TEX11: variants seen among roughly 807,000 people sequenced by gnomAD.
The protein encoded by TEX11 is testis expressed 11.
A neutral mutation model predicts 84.4 loss-of-function variants in TEX11; 7 were observed. The observed-to-expected ratio is 0.08, with a 90% confidence interval of 0.05 to 0.16. The LOEUF is 0.16. TEX11 is among the 10% of genes least tolerant of loss of function. The pLI, the probability that TEX11 is intolerant of heterozygous loss-of-function variation, is 1.00. For missense variants in TEX11, 551 were observed against 660.5 expected, an observed-to-expected ratio of 0.83 and a Z score of 1.82; for synonymous variants, 264 against 222.8, an observed-to-expected ratio of 1.18 and a Z score of -1.64.
rs181339915 is a variant in TEX11 at position 70,530,615 on chromosome X, T to C, written c.2521-616A>G. ...GTCTAAGAAGCTACTTTCTTGGTTC[T>C]TGCATAGGAGATGGAACACAAAGAA... is the stretch of plus-strand genomic sequence containing the variant. On this transcript the variant is annotated intron_variant, in intron 28 of 29. Coordinates refer to ENST00000374333, the MANE Select transcript of TEX11 (RefSeq NM_031276.3). Among the ~76,000 whole-genome samples the C allele has an allele frequency of 6.3e-4, 71 of 112,023 alleles. 2 individuals are homozygous for C. The Admixed American group carries it at 6.5e-3, about 10-fold the overall frequency.
At chrX:70,651,316 C>A in intron 17 of TEX11, 134 bp downstream of exon 17, 2 of 398,601 alleles carry the variant, frequency 5.0e-6, no homozygotes, top group Non-Finnish European at 8.4e-6. Context: ...GTTGTATCAC[C>A]TTTACATAGG....
rs762649145 is a variant in TEX11, at chrX:70,641,114, A to G, written c.1483+10336T>C. Among the ~76,000 whole-genome samples, 25 of 111,350 alleles carry G rather than the reference A, an allele frequency of 2.2e-4. No individual in the cohort carries two copies. The East Asian group carries it at 5.6e-3, about 25-fold the overall frequency. ...GAAAACAAACAAAGGCAGGGGTTGCAATCCTATTCTCTGATCAAACAGACT... is the reference window on the plus strand; with the variant it reads ...GAAAACAAACAAAGGCAGGGGTTGCGATCCTATTCTCTGATCAAACAGACT... On this transcript the variant is annotated intron_variant, in intron 17 of 29. Transcript: ENST00000374333.
chrX:70,779,832 G>A (rs1349657117), intron 9 of TEX11, among the ~76,000 whole-genome samples: 1 of 111,603 alleles, frequency 9.0e-6, no homozygotes, highest in African/African-American at 3.2e-5. Flanking sequence ...TATCAAGATT[G>A]AATCAGAAAA....
intron 28 of TEX11, among the ~76,000 whole-genome samples, chrX:70,531,521 T>TAAAC (rs79824580): frequency 0.14 from 14,916 of 110,402 alleles, 1,089 homozygotes; most frequent in Non-Finnish European, 0.19. Context: ...AAAAATGACT[T>TAAAC]AAACAAACAA....
intron 28 of TEX11, among the ~76,000 whole-genome samples, chrX:70,545,419 G>A (rs910817098): frequency 9.0e-6 from 1 of 110,909 alleles, no homozygotes; most frequent in Non-Finnish European, 1.9e-5. Context: ...GGCCTACCCA[G>A]GGCCAGGATC....
At chrX:70,713,897 T>C (rs1393800349) in intron 13 of TEX11, among the ~76,000 whole-genome samples, 4 of 112,112 alleles carry the variant, frequency 3.6e-5, no homozygotes, top group Non-Finnish European at 7.5e-5. Flanking sequence ...GTGTCAATTT[T>C]AGATCTTTCC....
chrX:70,578,869 C>T (rs895322000), intron 25 of TEX11, among the ~76,000 whole-genome samples: 20 of 100,594 alleles, frequency 2.0e-4, no homozygotes, highest in Admixed American at 4.5e-4. Context: ...CTCCCGGGTT[C>T]GAGCAATTCT....
the TEX11 span, among the ~76,000 whole-genome samples, chrX:70,517,175 A>C: frequency 8.9e-6 from 1 of 111,741 alleles, no homozygotes; most frequent in Non-Finnish European, 1.9e-5. Flanking sequence ...AGGACTGGTG[A>C]GAGAGGGCAT....
intron 9 of TEX11, among the ~76,000 whole-genome samples, chrX:70,749,859 T>C (rs924310182): frequency 2.7e-5 from 3 of 110,751 alleles, no homozygotes; most frequent in Non-Finnish European, 5.7e-5. Flanking sequence ...TCAATGTTCA[T>C]CAAGGATATG....
intron 16 of TEX11, among the ~76,000 whole-genome samples, chrX:70,653,760 T>C (rs746985023): frequency 3.3e-4 from 37 of 112,247 alleles, no homozygotes; most frequent in African/African-American, 1.2e-3. Context: ...AGTAGCTTTA[T>C]TCATAACTGC....
chrX:70,676,676 T>TA (rs771949082), intron 15 of TEX11, among the ~76,000 whole-genome samples: 2 of 112,381 alleles, frequency 1.8e-5, no homozygotes, highest in South Asian at 7.4e-4. Context: ...TTCAAATATT[T>TA]ATTATCTCCA....
chrX:70,803,406 T>C lies in TEX11; in HGVS notation c.692+3299A>G, dbSNP rs753889166. Among the ~76,000 whole-genome samples, 7 of 111,154 alleles carry C rather than the reference T, an allele frequency of 6.3e-5. No individual in the cohort carries two copies. The East Asian group carries it at 2.0e-3, about 31-fold the overall frequency. On this transcript the variant is annotated intron_variant, in intron 9 of 29. Coordinates refer to ENST00000374333, the MANE Select transcript of TEX11 (RefSeq NM_031276.3). ...GAAAGCAAGGAGAGCAGCAGCTATT[T>C]ATGAACTTTTCTTAGCAAAAGAAAA... is the stretch of plus-strand genomic sequence containing the variant.
intron 9 of TEX11, among the ~76,000 whole-genome samples, chrX:70,773,217 C>T (rs2147778896): frequency 9.1e-6 from 1 of 109,419 alleles, no homozygotes; most frequent in South Asian, 4.0e-4. Flanking sequence ...TTCACTAAGA[C>T]ATAATATAAC....
intron 11 of TEX11, among the ~76,000 whole-genome samples, chrX:70,734,397 T>C (rs2090680143): frequency 9.0e-6 from 1 of 111,355 alleles, no homozygotes; most frequent in African/African-American, 3.3e-5. Flanking sequence ...TGTATGTGCA[T>C]GTGTGGGGGA....
At chrX:70,809,842 A>G (rs2091241748) in intron 8 of TEX11, among the ~76,000 whole-genome samples, 1 of 111,065 alleles carries the variant, frequency 9.0e-6, no homozygotes, top group African/African-American at 3.3e-5. Flanking sequence ...AATTACAGGC[A>G]CCCGCCACCA....
rs1169173765 is a variant in TEX11 at position 70,682,616 on chromosome X, T to C, written c.1156+58A>G. Reference sequence around the variant, plus strand: ...TGAGGATTTTGCTATTACTCTGACATCTAAGAATTATACACAAATTAATAC... The same window carrying C: ...TGAGGATTTTGCTATTACTCTGACACCTAAGAATTATACACAAATTAATAC... On this transcript the variant is annotated intron_variant, in intron 14 of 29. Coordinates refer to ENST00000374333, the MANE Select transcript of TEX11 (RefSeq NM_031276.3). 9 of 1,139,947 alleles carry C rather than the reference T, an allele frequency of 7.9e-6. No homozygotes were observed. The Admixed American group carries it at 2.0e-4, about 25-fold the overall frequency. The allele number at this position is 1,139,947 out of a possible 1,213,427, so 93.9% of individuals were successfully genotyped here.
At chrX:70,869,527 T>A (rs2091619385) in intron 4 of TEX11, among the ~76,000 whole-genome samples, 1 of 112,167 alleles carries the variant, frequency 8.9e-6, no homozygotes, top group African/African-American at 3.2e-5. Flanking sequence ...ATAGCAACAT[T>A]TCAAAATGGC....
At chrX:70,534,623 C>G (rs2087932642) in intron 28 of TEX11, among the ~76,000 whole-genome samples, 1 of 111,262 alleles carries the variant, frequency 9.0e-6, no homozygotes, top group African/African-American at 3.3e-5. Context: ...TATTTTAAAC[C>G]AGTTTTCTCT....
intron 24 of TEX11, among the ~76,000 whole-genome samples, chrX:70,598,124 T>C (rs1019931687): frequency 8.9e-6 from 1 of 112,157 alleles, no homozygotes; most frequent in African/African-American, 3.2e-5. Context: ...GAGATTGCAG[T>C]GAGCTGAGAT....
Sources: allele counts gnomAD v4.1 joint callset (sites outside exome capture counted in the v4.1 genomes callset), GRCh38; gene constraint gnomAD v4.1.1; transcripts MANE v1.5; gene names NCBI Gene and HGNC (gene_info 2026-07-23, HGNC 2026-07-21).